STK17B: variants seen among roughly 807,000 people sequenced by gnomAD.
STK17B encodes the protein serine/threonine kinase 17b.
In STK17B, 21 loss-of-function variants were observed where a neutral mutation model predicts 42.0. The ratio of observed to expected loss-of-function variants is 0.50; its 90% CI spans 0.35 to 0.72. STK17B has a LOEUF of 0.72. STK17B is among the 30% of genes least tolerant of loss of function. The pLI, the probability that STK17B is intolerant of heterozygous loss-of-function variation, is 0.00. For synonymous variants in STK17B, 143 were observed against 148.4 expected, an observed-to-expected ratio of 0.96 and a Z score of 0.26; for missense variants, 349 against 446.0, an observed-to-expected ratio of 0.78 and a Z score of 1.96.
At position 196,134,985 on chromosome 2, in the gene STK17B, T is replaced by C. The variant is rs1484056273; in HGVS notation, c.*2462A>G. 1 of 152,234 alleles carries C rather than the reference T, an allele frequency of 6.6e-6. No homozygotes were observed. The highest frequency in any genetic ancestry group is 1.5e-5 in the Non-Finnish European group (1 of 68,036). 9.4% of individuals were successfully genotyped at this position (152,234 alleles called of 1,614,324 possible). A position where few individuals can be genotyped will look rare whatever the true frequency, so the allele number is the denominator to read the frequency against. On this transcript the variant is annotated 3_prime_UTR_variant, in exon 8 of 8. Coordinates refer to ENST00000263955, the MANE Select transcript of STK17B (RefSeq NM_004226.4). ...TTCACACCTTTGTAAAAAGAGTGGATTTTTATATTCTTTGTGCAATCACTA... is the reference window on the plus strand; with the variant it reads ...TTCACACCTTTGTAAAAAGAGTGGACTTTTATATTCTTTGTGCAATCACTA...
intron 2 of STK17B, among the ~76,000 whole-genome samples, chr2:196,162,044 C>T (rs934365963): frequency 7.9e-5 from 12 of 152,124 alleles, no homozygotes; most frequent in African/African-American, 2.4e-4. Flanking sequence ...AACCATTTAA[C>T]ATACAACAAA....
chr2:196,155,898 CAACT>C (rs1268841716), intron 3 of STK17B, among the ~76,000 whole-genome samples: 3 of 152,192 alleles, frequency 2.0e-5, no homozygotes, highest in African/African-American at 4.8e-5. Flanking sequence ...ATTATTGCTA[CAACT>C]AACATAGTGC....
chr2:196,175,345 G>A (rs1353808275), upstream of STK17B, among the ~76,000 whole-genome samples: 1 of 152,178 alleles, frequency 6.6e-6, no homozygotes, highest in South Asian at 2.1e-4. Flanking sequence ...AGTTTTTCAC[G>A]CCAGGTGTGG....
At chr2:196,164,840 A>C (rs149637272) in intron 1 of STK17B, among the ~76,000 whole-genome samples, 1 of 152,238 alleles carries the variant, frequency 6.6e-6, no homozygotes, top group East Asian at 1.9e-4. Context: ...TAGCTTTCAC[A>C]TAACTAGATA....
At chr2:196,153,338 T>C (rs932451623) in intron 3 of STK17B, 1 of 152,004 alleles carries the variant, frequency 6.6e-6, no homozygotes, top group African/African-American at 2.4e-5. Context: ...TTGTACGTAT[T>C]GTTGGATAAA....
At chr2:196,158,912 G>A (rs745934965) in intron 2 of STK17B, among the ~76,000 whole-genome samples, 20 of 151,566 alleles carry the variant, frequency 1.3e-4, no homozygotes, top group Non-Finnish European at 2.9e-4. Flanking sequence ...TCAGGAAGCT[G>A]AGGCAGGAGA....
chr2:196,153,250 A>G (rs1217453134), intron 3 of STK17B: 1 of 146,286 alleles, frequency 6.8e-6, no homozygotes, highest in Admixed American at 6.9e-5. Context: ...TGCAAAAACA[A>G]TGTCCAAAAA....
At chr2:196,173,834 C>T (rs1045207707), upstream of STK17B, among the ~76,000 whole-genome samples, 18 of 152,046 alleles carry the variant, frequency 1.2e-4, no homozygotes, top group Admixed American at 6.6e-5. Context: ...CCAGTTCATA[C>T]GTTGAAATTC....
chr2:196,156,205 A>G (rs2105701949), intron 3 of STK17B: 2 of 353,402 alleles, frequency 5.7e-6, no homozygotes, highest in South Asian at 7.2e-5. Context: ...ATTTCTCCAC[A>G]TTCCTCAAAT....
At chr2:196,176,054 G>C (rs913016983), upstream of STK17B, among the ~76,000 whole-genome samples, 1 of 152,160 alleles carries the variant, frequency 6.6e-6, no homozygotes, top group Non-Finnish European at 1.5e-5. Flanking sequence ...TCAGAATAAA[G>C]TAATTTTTAA....
chr2:196,148,471 A>G (rs1419646636), intron 3 of STK17B, among the ~76,000 whole-genome samples: 2 of 151,746 alleles, frequency 1.3e-5, no homozygotes, highest in Non-Finnish European at 2.9e-5. Flanking sequence ...TAATGCAATC[A>G]TAAGCAAATA....
At chr2:196,150,287 T>C (rs901109708) in intron 3 of STK17B, among the ~76,000 whole-genome samples, 2 of 151,912 alleles carry the variant, frequency 1.3e-5, no homozygotes, top group Non-Finnish European at 1.5e-5. Flanking sequence ...ATCAGGTGAC[T>C]TCTGCTCTTT....
intron 3 of STK17B, among the ~76,000 whole-genome samples, chr2:196,146,588 T>C (rs1353631575): frequency 2.0e-5 from 3 of 152,206 alleles, no homozygotes. Context: ...TAAAACTGAA[T>C]TGCTTTATGA....
chr2:196,158,665 G>A (rs1436319190), intron 2 of STK17B, among the ~76,000 whole-genome samples: 1 of 152,174 alleles, frequency 6.6e-6, no homozygotes, highest in Non-Finnish European at 1.5e-5. Context: ...ACTGTGAAAT[G>A]TGAATTCCTA....
At chr2:196,150,179 T>TTAAAAA (rs754641534) in intron 3 of STK17B, among the ~76,000 whole-genome samples, 3 of 113,462 alleles carry the variant, frequency 2.6e-5, no homozygotes, top group Non-Finnish European at 3.6e-5. Flanking sequence ...GAGCAGTGAC[T>TTAAAAA]AAAAAAAAAA....
chr2:196,163,616 C>T lies in STK17B; in HGVS notation c.-44-189G>A, dbSNP rs187803673. 1.8e-4 allele frequency among the ~76,000 whole-genome samples: 28 copies of T among 151,856 alleles called. 1 individual carries two copies. Among genetic ancestry groups the T allele is most frequent in the African/African-American group, 6.3e-4 (26 of 41,412 alleles). On this transcript the variant is annotated intron_variant, in intron 1 of 7. Coordinates refer to ENST00000263955, the MANE Select transcript of STK17B (RefSeq NM_004226.4). ...CCATAATAACACTATGGCACTTGAA[C>T]GAAGTTACTGACTTCATTTCAGAAT...
At position 196,171,474 on chromosome 2, in the gene STK17B, C is replaced by G. The variant is rs965889493; in HGVS notation, c.-186G>C. On this transcript the variant is annotated 5_prime_UTR_variant, in exon 1 of 8. Coordinates refer to ENST00000263955, the MANE Select transcript of STK17B (RefSeq NM_004226.4). The stretch of plus-strand genomic sequence containing the variant: ...GGAGCTCCGAACGTGGCAGGATCCA[C>G]TTTTACTTTTCCAGACAAGGGCCGA... 6.6e-6 allele frequency: 1 copy of G among 152,292 alleles called. No homozygotes were observed. Among genetic ancestry groups the G allele is most frequent in the Non-Finnish European group, 1.5e-5 (1 of 68,098 alleles). 9.4% of individuals were successfully genotyped at this position (152,292 alleles called of 1,614,324 possible). A position where few individuals can be genotyped will look rare whatever the true frequency, so the allele number is the denominator to read the frequency against.
intron 2 of STK17B, among the ~76,000 whole-genome samples, chr2:196,158,821 C>T (rs1699773740): frequency 6.6e-6 from 1 of 152,000 alleles, no homozygotes; most frequent in Admixed American, 6.6e-5. Context: ...ACCATCTTGA[C>T]TAACACTATG....
intron 3 of STK17B, among the ~76,000 whole-genome samples, chr2:196,146,896 T>C (rs180784410): frequency 1.3e-5 from 2 of 152,266 alleles, no homozygotes; most frequent in Admixed American, 6.5e-5. Flanking sequence ...TGCAGAATAC[T>C]TGGGGCCAGA....
Sources: gnomAD v4.1 joint callset for allele counts (sites outside exome capture counted in the v4.1 genomes callset) on GRCh38, gnomAD v4.1.1 for gene constraint, MANE v1.5 for transcripts, NCBI Gene and HGNC (gene_info 2026-07-23, HGNC 2026-07-21) for gene names.